The following TMEM132B variants were observed in gnomAD, a reference collection of about 807,000 sequenced individuals.
The protein encoded by TMEM132B is transmembrane protein 132B.
A neutral mutation model predicts 90.8 loss-of-function variants in TMEM132B; 18 were observed. The observed-to-expected ratio is 0.20, with a 90% CI of 0.14 to 0.29. The LOEUF is 0.29. TMEM132B is among the 10% of genes least tolerant of loss of function. The pLI is 1.00. For synonymous variants in TMEM132B, 504 were observed against 523.3 expected (o/e 0.96, Z 0.50); for missense variants, 1,096 against 1,326.8 (o/e 0.83, Z 2.70).
At chr12:125,289,129 G>C (rs1355088962) in intron 1 of TMEM132B, among the ~76,000 whole-genome samples, 1 of 152,160 alleles carries the variant, frequency 6.6e-6, no homozygotes, top group Non-Finnish European at 1.5e-5. Context: ...TGTGTGTCTT[G>C]TACTTCTGGC....
At chr12:125,320,537 T>C (rs561538440) in intron 1 of TMEM132B, among the ~76,000 whole-genome samples, 7 of 152,216 alleles carry the variant, frequency 4.6e-5, no homozygotes, top group African/African-American at 1.7e-4. Context: ...CCTGGTGGCA[T>C]TGCTGGGGTG....
chr12:125,333,235 T>G (rs774713470), intron 1 of TMEM132B, among the ~76,000 whole-genome samples: 2 of 152,210 alleles, frequency 1.3e-5, no homozygotes, highest in Non-Finnish European at 2.9e-5. Context: ...CCCTGTCCTT[T>G]CTCTTATAAG....
chr12:125,455,954 T>C (rs557970881), intron 3 of TMEM132B, among the ~76,000 whole-genome samples: 1 of 152,292 alleles, frequency 6.6e-6, no homozygotes. Context: ...AGATAGTAAA[T>C]ATTTCTGGCT....
At chr12:125,456,161 C>T (rs1881287550) in intron 3 of TMEM132B, among the ~76,000 whole-genome samples, 1 of 152,170 alleles carries the variant, frequency 6.6e-6, no homozygotes. Context: ...ATCAGCATAT[C>T]CATGAGAAAT....
At chr12:125,625,092 G>GTGGAATAA (rs1886199412) in intron 5 of TMEM132B, among the ~76,000 whole-genome samples, 1 of 149,062 alleles carries the variant, frequency 6.7e-6, no homozygotes, top group African/African-American at 2.5e-5. Flanking sequence ...CAGCACAAAA[G>GTGGAATAA]TGGAATAATG....
At chr12:125,438,836 A>G (rs1880778575) in intron 3 of TMEM132B, among the ~76,000 whole-genome samples, 1 of 152,164 alleles carries the variant, frequency 6.6e-6, no homozygotes, top group Non-Finnish European at 1.5e-5. Context: ...TCATTCTGCA[A>G]TTTGCCTATT....
chr12:125,633,451 G>A (rs560682266), intron 5 of TMEM132B, among the ~76,000 whole-genome samples: 1 of 152,194 alleles, frequency 6.6e-6, no homozygotes, highest in Non-Finnish European at 1.5e-5. Context: ...ATTTGGTGAG[G>A]ACATGTTTTC....
At chr12:125,555,560 G>A (rs1322357843) in intron 4 of TMEM132B, among the ~76,000 whole-genome samples, 3 of 118,182 alleles carry the variant, frequency 2.5e-5, no homozygotes, top group African/African-American at 9.6e-5. Context: ...TAAAGGGCCT[G>A]TTGTGGGGTG....
intron 5 of TMEM132B, among the ~76,000 whole-genome samples, chr12:125,617,660 A>G (rs1418400928): frequency 2.0e-5 from 3 of 152,106 alleles, no homozygotes; most frequent in Non-Finnish European, 4.4e-5. Flanking sequence ...TGCCTCTTAC[A>G]TGATATTTCT....
chr12:125,446,400 G>A (rs4765253), intron 3 of TMEM132B, among the ~76,000 whole-genome samples: 58,690 of 151,874 alleles, frequency 0.39, 11,750 homozygotes, highest in East Asian at 0.57. Context: ...ATATAATAAA[G>A]TGGCCTACAG....
intron 1 of TMEM132B, among the ~76,000 whole-genome samples, chr12:125,210,104 C>T (rs1873287206): frequency 1.3e-5 from 2 of 152,228 alleles, no homozygotes; most frequent in South Asian, 2.1e-4. Context: ...AGATAGGTCA[C>T]TAAAATATTC....
intron 3 of TMEM132B, among the ~76,000 whole-genome samples, chr12:125,428,943 A>T (rs1880415217): frequency 6.6e-6 from 1 of 152,158 alleles, no homozygotes; most frequent in African/African-American, 2.4e-5. Context: ...ACCCCTGAAG[A>T]TATTCCCCTG....
At chr12:125,518,754 A>G (rs937657195) in intron 3 of TMEM132B, among the ~76,000 whole-genome samples, 55 of 152,032 alleles carry the variant, frequency 3.6e-4, no homozygotes, top group African/African-American at 1.3e-3. Context: ...GCAAACACAC[A>G]TATGATCTTG....
chr12:125,280,229 A>G (rs12368885), intron 1 of TMEM132B, among the ~76,000 whole-genome samples: 24,068 of 152,194 alleles, frequency 0.16, 2,437 homozygotes, highest in African/African-American at 0.28. Context: ...GGAGGATATT[A>G]AATGTTCCCA....
At chr12:125,452,690 C>T (rs1881187145) in intron 3 of TMEM132B, among the ~76,000 whole-genome samples, 1 of 152,088 alleles carries the variant, frequency 6.6e-6, no homozygotes, top group African/African-American at 2.4e-5. Flanking sequence ...ACAAAAATAT[C>T]CCCTTATTGG....
chr12:125,546,139 A>G (rs564928847), intron 4 of TMEM132B, among the ~76,000 whole-genome samples: 1 of 152,222 alleles, frequency 6.6e-6, no homozygotes, highest in African/African-American at 2.4e-5. Context: ...ATCTTTTGCA[A>G]TAAATTTCCA....
At chr12:125,274,821 C>G (rs1874944232) in intron 1 of TMEM132B, among the ~76,000 whole-genome samples, 1 of 152,052 alleles carries the variant, frequency 6.6e-6, no homozygotes. Context: ...CTCTCATTCA[C>G]CTGAGATGGG....
At position 125,653,635 on chromosome 12, in the gene TMEM132B, A is replaced by C; in HGVS notation, c.2177A>C (p.Lys726Thr). 6.2e-7 allele frequency: 1 copy of C among 1,614,194 alleles called. No individual in the cohort carries two copies. Among genetic ancestry groups the C allele is most frequent in the East Asian group, 2.2e-5 (1 of 44,872 alleles). The stretch of plus-strand genomic sequence containing the variant: ...ACACCTTTAGACATTTACGATCCTA[A>C]GGATTATTCTGTTACTGTCTCATCA... ...SVTPLDIYDP[K>T]DYSVTVSSLD... The change falls in exon 9 of 9, where the codon AAG becomes ACG. Residue 726 changes from lysine to threonine, a missense_variant. Transcript: ENST00000682704.
At chr12:125,454,392 T>TTGTGTGTGTGTG (rs749400783) in intron 3 of TMEM132B, among the ~76,000 whole-genome samples, 3 of 112,082 alleles carry the variant, frequency 2.7e-5, no homozygotes, top group Admixed American at 9.8e-5. Context: ...GTGTGTGTGT[T>TTGTGTGTGTGTG]TGTGTGTGTG....
Sources: allele counts gnomAD v4.1 joint callset (sites outside exome capture counted in the v4.1 genomes callset), GRCh38; gene constraint gnomAD v4.1.1; transcripts MANE v1.5; gene names NCBI Gene and HGNC (gene_info 2026-07-23, HGNC 2026-07-21).